The following PRIM2 variants were observed in gnomAD, a reference collection of about 807,000 sequenced individuals.
The protein encoded by PRIM2 is DNA primase large subunit.
A neutral mutation model predicts 67.3 loss-of-function variants in PRIM2; 39 were observed. The ratio of observed to expected loss-of-function variants is 0.58; its 90% CI spans 0.45 to 0.76. The LOEUF (loss-of-function observed/expected upper bound fraction) is 0.76, where lower values mean the gene tolerates loss of function less well. Among genes scored for constraint, PRIM2 ranks in the 30% least tolerant of loss-of-function variants. PRIM2 has a pLI of 0.00. For missense variants in PRIM2, 398 were observed against 598.7 expected, an observed-to-expected ratio of 0.66 and a Z score of 3.50; for synonymous variants, 143 against 198.7, an observed-to-expected ratio of 0.72 and a Z score of 2.36.
intron 7 of PRIM2, among the ~76,000 whole-genome samples, chr6:57,387,482 A>T (rs1365310761): frequency 6.6e-6 from 1 of 152,156 alleles, no homozygotes; most frequent in Non-Finnish European, 1.5e-5. Flanking sequence ...TAATTGCTGG[A>T]GCCCTGACTT....
intron 10 of PRIM2, among the ~76,000 whole-genome samples, chr6:57,590,628 A>G (rs1475195163): frequency 6.6e-6 from 1 of 152,198 alleles, no homozygotes; most frequent in Non-Finnish European, 1.5e-5. Context: ...GAATTTGATC[A>G]GATATTGAGG....
rs562853860 is a variant in PRIM2, at chr6:57,365,337, G to C, written c.460-14564G>C. 2.5e-3 allele frequency among the ~76,000 whole-genome samples: 371 copies of C among 150,844 alleles called. 3 individuals carry two copies. Among genetic ancestry groups the C allele is most frequent in the African/African-American group, 8.2e-3 (337 of 40,906 alleles). On this transcript the variant is annotated intron_variant, in intron 5 of 13. Coordinates refer to ENST00000615550, the MANE Select transcript of PRIM2 (RefSeq NM_000947.5). ...AATTGCATGTTTTCCCTCCATCTCT[G>C]TCACAGTGCCAATTCTAGGACTGCC...
chr6:57,278,899 T>G, the PRIM2 span, among the ~76,000 whole-genome samples: 1 of 152,166 alleles, frequency 6.6e-6, no homozygotes, highest in Non-Finnish European at 1.5e-5. Flanking sequence ...TGGAAATCTG[T>G]GGAACAGTTT....
intron 10 of PRIM2, among the ~76,000 whole-genome samples, chr6:57,569,204 G>C (rs1775813043): frequency 6.6e-6 from 1 of 152,140 alleles, no homozygotes; most frequent in Non-Finnish European, 1.5e-5. Context: ...GGGTTCTTGG[G>C]AGGAGCGGGG....
intron 10 of PRIM2, among the ~76,000 whole-genome samples, chr6:57,583,291 T>G (rs1336602568): frequency 1.4e-5 from 2 of 147,682 alleles, no homozygotes; most frequent in Non-Finnish European, 3.0e-5. Context: ...ACTCGTCATC[T>G]AGCATTAGGT....
chr6:57,607,779 G>A (rs1436467218), intron 12 of PRIM2, among the ~76,000 whole-genome samples: 3 of 152,126 alleles, frequency 2.0e-5, no homozygotes, highest in African/African-American at 4.8e-5. Flanking sequence ...AGTTCTTAAC[G>A]TATCTATGTT....
At chr6:57,266,972 A>G in the PRIM2 span, among the ~76,000 whole-genome samples, 3,746 of 152,314 alleles carry the variant, frequency 0.025, 140 homozygotes, top group African/African-American at 0.085. Flanking sequence ...ATGAATTTTA[A>G]CTATTTTGAC....
At chr6:57,458,548 G>A (rs1256166202) in intron 7 of PRIM2, among the ~76,000 whole-genome samples, 1 of 152,176 alleles carries the variant, frequency 6.6e-6, no homozygotes. Flanking sequence ...AGTCAGCCAT[G>A]GTGGTGGGCA....
At chr6:57,307,361 C>G in the PRIM2 span, among the ~76,000 whole-genome samples, 1 of 151,494 alleles carries the variant, frequency 6.6e-6, no homozygotes, top group Non-Finnish European at 1.5e-5. Context: ...TCACGCCATT[C>G]TCCTGCCTCA....
chr6:57,306,481 G>C, the PRIM2 span, among the ~76,000 whole-genome samples: 4 of 152,140 alleles, frequency 2.6e-5, no homozygotes, highest in Non-Finnish European at 4.4e-5. Flanking sequence ...TCAGTAAAAA[G>C]GACCTTTGCA....
chr6:57,301,486 T>A, the PRIM2 span, among the ~76,000 whole-genome samples: 1 of 151,746 alleles, frequency 6.6e-6, no homozygotes, highest in Non-Finnish European at 1.5e-5. Flanking sequence ...AAATTCCATC[T>A]CAAAAACAAA....
At chr6:57,516,654 A>G (rs1239713419) in intron 8 of PRIM2, among the ~76,000 whole-genome samples, 8 of 152,206 alleles carry the variant, frequency 5.3e-5, no homozygotes, top group Non-Finnish European at 1.2e-4. Flanking sequence ...GTTACATTAT[A>G]GTGGCTGAGA....
rs1774619461 is a variant in PRIM2 at position 57,521,381 on chromosome 6, T to G, written c.762-11030T>G. Reference sequence around the variant, plus strand: ...ATGTGGTTAGGGTTTTTTTTTTTTTTTTTTTTTTTTTTAACACCCTAAGTG... The same window carrying G: ...ATGTGGTTAGGGTTTTTTTTTTTTTGTTTTTTTTTTTTAACACCCTAAGTG... On this transcript the variant is annotated intron_variant, in intron 8 of 13. Transcript: ENST00000615550. Among the ~76,000 whole-genome samples the G allele has an allele frequency of 3.4e-5, 5 of 147,930 alleles. No individual in the cohort carries two copies. The South Asian group carries it at 1.1e-3, about 31-fold the overall frequency.
intron 12 of PRIM2, among the ~76,000 whole-genome samples, chr6:57,612,853 A>C (rs1776691170): frequency 1.4e-5 from 2 of 141,000 alleles, no homozygotes; most frequent in African/African-American, 5.4e-5. Context: ...GGAGTGCAGT[A>C]GTGTGATCAT....
At chr6:57,300,612 G>C in the PRIM2 span, among the ~76,000 whole-genome samples, 3 of 152,086 alleles carry the variant, frequency 2.0e-5, no homozygotes, top group African/African-American at 7.2e-5. Flanking sequence ...TTCTTTATTA[G>C]TTGACTCAAA....
chr6:57,378,284 T>C (rs1172060748), intron 5 of PRIM2, among the ~76,000 whole-genome samples: 2 of 151,930 alleles, frequency 1.3e-5, no homozygotes, highest in African/African-American at 4.8e-5. Context: ...CAGGCTGGTC[T>C]CAAACTCCTG....
chr6:57,474,975 A>G (rs1379842871), intron 7 of PRIM2, among the ~76,000 whole-genome samples: 16 of 152,190 alleles, frequency 1.1e-4, no homozygotes, highest in African/African-American at 3.4e-4. Flanking sequence ...CTTTCCTCCC[A>G]ATATTGAGCA....
chr6:57,456,713 C>G (rs1354281793), intron 7 of PRIM2, among the ~76,000 whole-genome samples: 5 of 151,990 alleles, frequency 3.3e-5, no homozygotes, highest in African/African-American at 1.2e-4. Context: ...AGGTTTTTAA[C>G]TTCTTTGCCA....
At chr6:57,232,212 C>T in the PRIM2 span, among the ~76,000 whole-genome samples, 2 of 152,146 alleles carry the variant, frequency 1.3e-5, no homozygotes, top group African/African-American at 4.8e-5. Context: ...TTCAGAGCCA[C>T]GTTGATGAGT....
Sources: gnomAD v4.1 joint callset for allele counts (sites outside exome capture counted in the v4.1 genomes callset) on GRCh38, gnomAD v4.1.1 for gene constraint, MANE v1.5 for transcripts, NCBI Gene and HGNC (gene_info 2026-07-23, HGNC 2026-07-21) for gene names.